Variants in SLC4A7 observed in about 807,000 individuals in gnomAD.
The protein encoded by SLC4A7 is sodium bicarbonate cotransporter 3.
Under a neutral mutation model 137.6 loss-of-function variants are expected in SLC4A7, and 51 were observed. The ratio of observed to expected loss-of-function variants is 0.37; its 90% CI spans 0.30 to 0.47. SLC4A7 has a LOEUF of 0.47. SLC4A7 is among the 20% of genes least tolerant of loss of function. SLC4A7 has a pLI of 1.00. For missense variants in SLC4A7, 1,247 were observed against 1,525.4 expected (o/e 0.82, Z 3.04); for synonymous variants, 542 against 518.6 (o/e 1.05, Z -0.61).
intron 1 of SLC4A7, among the ~76,000 whole-genome samples, chr3:27,453,974 T>G (rs540998753): frequency 2.0e-5 from 3 of 151,798 alleles, no homozygotes; most frequent in Non-Finnish European, 2.9e-5. Context: ...TTTAAAGGAG[T>G]GGGAGCAGGC....
intron 11 of SLC4A7, among the ~76,000 whole-genome samples, chr3:27,417,404 G>T (rs2054499584): frequency 6.6e-6 from 1 of 152,104 alleles, no homozygotes; most frequent in Non-Finnish European, 1.5e-5. Flanking sequence ...GTGGGGCAAT[G>T]AACAAAAGAT....
chr3:27,475,096 T>C (rs796199728), intron 1 of SLC4A7, among the ~76,000 whole-genome samples: 38 of 152,008 alleles, frequency 2.5e-4, no homozygotes, highest in African/African-American at 8.7e-4. Context: ...CAGAGCGAGA[T>C]TGCGTCTCAA....
chr3:27,443,024 C>T (rs148485944), intron 3 of SLC4A7, among the ~76,000 whole-genome samples: 4 of 102,146 alleles, frequency 3.9e-5, no homozygotes, highest in Non-Finnish European at 5.7e-5. Flanking sequence ...TCTCTTTTTT[C>T]TTTTTTTCTT....
intron 18 of SLC4A7, among the ~76,000 whole-genome samples, 192 bp downstream of exon 18, chr3:27,397,490 CAT>C (rs1315837265): frequency 1.3e-5 from 2 of 151,930 alleles, no homozygotes; most frequent in Admixed American, 1.3e-4. Flanking sequence ...TTTAAGTTCA[CAT>C]GTCTCTTTTC....
intron 25 of SLC4A7, among the ~76,000 whole-genome samples, chr3:27,377,668 C>T (rs573416901): frequency 2.0e-5 from 3 of 152,330 alleles, no homozygotes; most frequent in Admixed American, 2.0e-4. Context: ...GTTGGGATTA[C>T]AGGCCTGAAC....
At chr3:27,448,887 G>T (rs2057868140) in intron 2 of SLC4A7, 90 bp from the exon 3 acceptor site, 2 of 859,736 alleles carry the variant, frequency 2.3e-6, no homozygotes, top group African/African-American at 1.7e-5. Context: ...CTCTGATAAA[G>T]AATATAAGTT....
At chr3:27,455,537 GA>G (rs1416863427) in intron 1 of SLC4A7, among the ~76,000 whole-genome samples, 2 of 151,394 alleles carry the variant, frequency 1.3e-5, no homozygotes, top group African/African-American at 4.9e-5. Context: ...AGTTTTCAAT[GA>G]GAGTGTTTTC....
At position 27,484,144 on chromosome 3, in the gene SLC4A7, G is replaced by A; in HGVS notation, c.-18C>T. On this transcript the variant is annotated 5_prime_UTR_variant, in exon 1 of 26. The change creates a new upstream start codon in the 5' untranslated region. Transcript: ENST00000454389. ...GCCTCCATGGCCGGCCGGCCAGCCC[G>A]TGACGGCCGCTACGGTACTGCCCCG... 7.3e-7 allele frequency: 1 copy of A among 1,361,324 alleles called. No homozygotes were observed. The allele number at this position is 1,361,324 out of a possible 1,614,324, so 84.3% of individuals were successfully genotyped here.
chr3:27,444,278 T>C (rs1347465836), intron 3 of SLC4A7, among the ~76,000 whole-genome samples: 1 of 152,216 alleles, frequency 6.6e-6, no homozygotes, highest in Non-Finnish European at 1.5e-5. Context: ...GGCAATCTGA[T>C]TCTTATGAGC....
rs559821986 is a variant in SLC4A7 at position 27,450,742 on chromosome 3, A to C, written c.142+1675T>G. 2.0e-4 allele frequency among the ~76,000 whole-genome samples: 31 copies of C among 152,236 alleles called. No individual in the cohort carries two copies. The South Asian group carries it at 4.8e-3, about 23-fold the overall frequency. On this transcript the variant is annotated intron_variant, in intron 2 of 25. Transcript: ENST00000454389. ...TAAGCTTATTGTGTTTTCTTCTTTT[A>C]CTATTGCCTCTAGTGTCCTCTGTTT...
intron 22 of SLC4A7, among the ~76,000 whole-genome samples, chr3:27,386,786 T>C (rs1163535519): frequency 6.6e-6 from 1 of 152,170 alleles, no homozygotes; most frequent in Non-Finnish European, 1.5e-5. Context: ...GAAAAGTTAG[T>C]CCCAATCAAT....
chr3:27,428,795 C>T (rs2055932768), intron 7 of SLC4A7, among the ~76,000 whole-genome samples: 1 of 152,120 alleles, frequency 6.6e-6, no homozygotes, highest in Admixed American at 6.6e-5. Flanking sequence ...TGTGATAATA[C>T]TTATGTGATT....
At chr3:27,438,636 AATAAC>A (rs1240854763) in intron 3 of SLC4A7, among the ~76,000 whole-genome samples, 2 of 151,016 alleles carry the variant, frequency 1.3e-5, no homozygotes, top group South Asian at 2.1e-4. Context: ...CATAACATAA[AATAAC>A]ATAAAACAAA....
chr3:27,456,453 AG>A (rs1490647431), intron 1 of SLC4A7, among the ~76,000 whole-genome samples: 1 of 152,232 alleles, frequency 6.6e-6, no homozygotes, highest in Non-Finnish European at 1.5e-5. Flanking sequence ...GTTTTATAGA[AG>A]AATAAAGATG....
In SLC4A7 at chr3:27,389,938, G is replaced by T; in HGVS notation, c.3353C>A (p.Pro1118His). 6.2e-7 allele frequency: 1 copy of T among 1,612,178 alleles called. No individual in the cohort carries two copies. The highest frequency in any genetic ancestry group is 8.5e-7 in the Non-Finnish European group (1 of 1,178,898). Residue 1118 changes from proline (P) to histidine (H), a missense_variant, in exon 22 of 26, where the codon CCC (proline) becomes CAC (histidine). Around this residue, in one of 6 missense-constraint regions of SLC4A7, gnomAD observed 290 missense variants for 323.8 expected, o/e 0.90. Transcript: ENST00000454389. ...IKVSAAAVVF[P>H]MMVLALVFVR... ...AGTCTGAAGAAATCTTACCATCATG[G>T]GAAAAACCACTGCAGCAGCTGAAAC...
At chr3:27,398,913 A>T (rs1326584444) in intron 16 of SLC4A7, among the ~76,000 whole-genome samples, 1 of 152,120 alleles carries the variant, frequency 6.6e-6, no homozygotes, top group African/African-American at 2.4e-5. Flanking sequence ...CAGTAAAATG[A>T]CCGTTAAAAT....
chr3:27,446,586 A>C (rs2057653651), intron 3 of SLC4A7, among the ~76,000 whole-genome samples: 1 of 152,192 alleles, frequency 6.6e-6, no homozygotes, highest in African/African-American at 2.4e-5. Context: ...TTCTGTCCAT[A>C]AAAATACTGT....
At chr3:27,407,960 G>C (rs2053545279) in intron 13 of SLC4A7, among the ~76,000 whole-genome samples, 1 of 152,114 alleles carries the variant, frequency 6.6e-6, no homozygotes, top group South Asian at 2.1e-4. Context: ...ATTTCCACCT[G>C]AAGTTCTAAT....
At chr3:27,459,093 AACCTCCTGGTC>A (rs2058560419) in intron 1 of SLC4A7, among the ~76,000 whole-genome samples, 3 of 152,164 alleles carry the variant, frequency 2.0e-5, no homozygotes, top group Non-Finnish European at 4.4e-5. Context: ...TTAAGAGCTT[AACCTCCTGGTC>A]AAGCACATGT....
Sources: gnomAD v4.1 joint callset for allele counts (sites outside exome capture counted in the v4.1 genomes callset) on GRCh38, gnomAD v4.1.1 for gene constraint, gnomAD v4.1.1 regional missense constraint, MANE v1.5 for transcripts, NCBI Gene and HGNC (gene_info 2026-07-23, HGNC 2026-07-21) for gene names.